Variants in PDCD6 observed in about 807,000 individuals in gnomAD.
PDCD6 encodes programmed cell death 6.
PDCD6 carries 12 observed loss-of-function variants against 28.3 expected under a neutral mutation model. The ratio of observed to expected loss-of-function variants is 0.42; its 90% CI spans 0.27 to 0.69. The LOEUF (loss-of-function observed/expected upper bound fraction) is 0.69, where lower values mean the gene tolerates loss of function less well. Among genes scored for constraint, PDCD6 ranks in the 30% least tolerant of loss-of-function variants. PDCD6 has a pLI of 0.22. For synonymous variants in PDCD6, 92 were observed against 108.0 expected (o/e 0.85, Z 0.92); for missense variants, 226 against 269.9 (o/e 0.84, Z 1.14).
Position 271,795 on chromosome 5 carries a change from G to T in PDCD6, c.75G>T (p.Gln25His). ...CTGCAGGCGCGGCGCTGCCGGACCA[G>T]AGCTTCCTGTGGAACGTTTTCCAGA... ...GPAAGAALPD[Q>H]SFLWNVFQRV... Residue 25 changes from glutamine to histidine, a missense_variant, in exon 1 of 6, where the codon CAG becomes CAT. Around this residue, in one of 3 missense-constraint regions of PDCD6, gnomAD observed 72 missense variants for 71.4 expected, o/e 1.01. Transcript: ENST00000264933. The T allele has an allele frequency of 6.8e-7, 1 of 1,468,036 alleles. No homozygotes were observed. The highest frequency in any genetic ancestry group is 9.0e-7 in the Non-Finnish European group (1 of 1,115,400). 90.9% of individuals were successfully genotyped at this position (1,468,036 alleles called of 1,614,324 possible).
rs1219668394 is a variant in PDCD6, at chr5:307,462, A to G, written c.367+702A>G. 2.0e-5 allele frequency among the ~76,000 whole-genome samples: 3 copies of G among 152,002 alleles called. No individual in the cohort carries two copies. Among genetic ancestry groups the G allele is most frequent in the Non-Finnish European group, 4.4e-5 (3 of 67,994 alleles). On this transcript the variant is annotated intron_variant, in intron 4 of 5. Transcript: ENST00000264933. This position sits in a 1 kb window ranked among gnomAD's most constrained non-coding sequence, Gnocchi z 6.1. The stretch of plus-strand genomic sequence containing the variant: ...GTGCTTGACGCGTGTGCACACACAC[A>G]TGTGACGGTGTGCCGTGGGTCTAGG...
chr5:282,604 CT>C (rs1446191451), intron 2 of PDCD6, among the ~76,000 whole-genome samples: 1 of 148,570 alleles, frequency 6.7e-6, no homozygotes, highest in Non-Finnish European at 1.5e-5. Flanking sequence ...AGCTGCAGAC[CT>C]GGAGAGGAGC....
intron 2 of PDCD6, among the ~76,000 whole-genome samples, chr5:275,255 C>T (rs561636213): frequency 1.7e-4 from 26 of 152,300 alleles, no homozygotes; most frequent in East Asian, 3.9e-4. Context: ...ACCCTGTTGC[C>T]TGAATTGCCC....
At chr5:276,026 C>T (rs1354372619) in intron 2 of PDCD6, 18 of 1,282,060 alleles carry the variant, frequency 1.4e-5, no homozygotes, top group African/African-American at 3.1e-5. Context: ...AAGCCCCACC[C>T]GCCCTTCAGG....
chr5:272,108 G>T (rs1038940778), intron 1 of PDCD6, among the ~76,000 whole-genome samples: 8 of 93,370 alleles, frequency 8.6e-5, no homozygotes, highest in African/African-American at 3.2e-4. Flanking sequence ...CCTGTGCGTC[G>T]GGCCCTTCCC....
At chr5:281,529 G>T (rs1167947941) in intron 2 of PDCD6, among the ~76,000 whole-genome samples, 1 of 152,128 alleles carries the variant, frequency 6.6e-6, no homozygotes, top group Non-Finnish European at 1.5e-5. Context: ...TGGGAGAGGT[G>T]TTCTAGTTTG....
chr5:296,643 C>T (rs1378384605), intron 2 of PDCD6, among the ~76,000 whole-genome samples: 11 of 152,180 alleles, frequency 7.2e-5, no homozygotes, highest in African/African-American at 1.2e-4. Context: ...AAGTAGTCCA[C>T]ATCAAAAAGA....
In PDCD6 at chr5:272,784, A is replaced by T; in HGVS notation, c.163+12A>T. 1 of 1,573,348 alleles carries T rather than the reference A, an allele frequency of 6.4e-7. No homozygotes were observed. The highest frequency in any genetic ancestry group is 8.6e-7 in the Non-Finnish European group (1 of 1,165,314). On this transcript the variant is annotated intron_variant, in intron 2 of 5. Transcript: ENST00000264933. The stretch of plus-strand genomic sequence containing the variant: ...AGCTCTCTCCAACGGTGAGTGGGCC[A>T]GTGGGAACTGGGTCTCCGGACCAAG...
At chr5:292,904 C>G (rs1739395515) in intron 2 of PDCD6, among the ~76,000 whole-genome samples, 1 of 152,216 alleles carries the variant, frequency 6.6e-6, no homozygotes, top group Non-Finnish European at 1.5e-5. Context: ...CCTAGAGGCC[C>G]TTGGTTGAGG....
At chr5:310,711 C>T (rs1341197188) in intron 4 of PDCD6, 1 of 154,304 alleles carries the variant, frequency 6.5e-6, no homozygotes, top group East Asian at 1.9e-4. Context: ...TCCGAGGTCA[C>T]CCTGCCACTG....
At chr5:300,389 G>A (rs1411551236) in intron 2 of PDCD6, among the ~76,000 whole-genome samples, 6 of 152,238 alleles carry the variant, frequency 3.9e-5, no homozygotes, top group Non-Finnish European at 8.8e-5. Flanking sequence ...GAGGGACTCT[G>A]GAAGCGCCTG....
chr5:272,741 A>C lies in PDCD6; in HGVS notation c.132A>C (p.Ser44=). 6.3e-7 allele frequency: 1 copy of C among 1,589,074 alleles called. No individual in the cohort carries two copies. The highest frequency in any genetic ancestry group is 1.6e-5 in the African/African-American group (1 of 62,892). Reference sequence around the variant, plus strand: ...ATAAAGACAGGAGTGGAGTGATATCAGACACCGAGCTTCAGCAAGCTCTCT... The same window carrying C: ...ATAAAGACAGGAGTGGAGTGATATCCGACACCGAGCTTCAGCAAGCTCTCT... The part of the protein sequence containing the change: ...RVDKDRSGVI[S]DTELQQALSN... The change falls in exon 2 of 6, where the codon TCA becomes TCC. Residue 44 remains serine, a synonymous_variant. Coordinates refer to ENST00000264933, the MANE Select transcript of PDCD6 (RefSeq NM_013232.4).
At chr5:299,675 G>C (rs1489654095) in intron 2 of PDCD6, among the ~76,000 whole-genome samples, 1 of 151,578 alleles carries the variant, frequency 6.6e-6, no homozygotes, top group African/African-American at 2.4e-5. Flanking sequence ...TCAGCCCCCC[G>C]AGTAGCTGGG....
At chr5:284,618 G>A (rs186692906) in intron 2 of PDCD6, among the ~76,000 whole-genome samples, 3 of 151,868 alleles carry the variant, frequency 2.0e-5, no homozygotes, top group East Asian at 3.9e-4. Flanking sequence ...CTGGTTGGGA[G>A]GTGATGTTCC....
chr5:302,427 C>A (rs1352797380), intron 2 of PDCD6, among the ~76,000 whole-genome samples: 1 of 105,676 alleles, frequency 9.5e-6, no homozygotes, highest in Non-Finnish European at 1.7e-5. Flanking sequence ...GGTGCACCTG[C>A]CTTTGTGGGG....
At chr5:303,947 G>A (rs1740300348) in intron 2 of PDCD6, among the ~76,000 whole-genome samples, 1 of 151,668 alleles carries the variant, frequency 6.6e-6, no homozygotes, top group African/African-American at 2.4e-5. Context: ...GGCCTTGGAG[G>A]TCTGGGAGGC....
chr5:287,172 A>T (rs1419082432), intron 2 of PDCD6, among the ~76,000 whole-genome samples: 1 of 151,826 alleles, frequency 6.6e-6, no homozygotes, highest in Non-Finnish European at 1.5e-5. Flanking sequence ...AGGTACTGCC[A>T]CTGATGTCTT....
chr5:307,858 C>G lies in PDCD6; in HGVS notation c.367+1098C>G, dbSNP rs1317535884. On this transcript the variant is annotated intron_variant, in intron 4 of 5. Transcript: ENST00000264933. The surrounding 1 kb of genome is among the most constrained non-coding windows in gnomAD (Gnocchi z 6.1). ...TCTTTCTCTTTTCTTTCTCACCTTA[C>G]GAGCTTGTCCACAGGGCCGGGGGTG... Among the ~76,000 whole-genome samples the G allele has an allele frequency of 6.6e-6, 1 of 152,148 alleles. No individual in the cohort carries two copies. The highest frequency in any genetic ancestry group is 2.4e-5 in the African/African-American group (1 of 41,420).
chr5:290,036 T>A, intron 2 of PDCD6: 1 of 1,591,412 alleles, frequency 6.3e-7, no homozygotes, highest in Non-Finnish European at 8.6e-7. Flanking sequence ...GTAAAAGGGA[T>A]ACTGTTAAAT....
Sources: allele counts gnomAD v4.1 joint callset (sites outside exome capture counted in the v4.1 genomes callset), GRCh38; gene constraint gnomAD v4.1.1; regional missense constraint gnomAD v4.1.1; non-coding constraint Gnocchi (gnomAD v3.1); transcripts MANE v1.5; gene names NCBI Gene and HGNC (gene_info 2026-07-23, HGNC 2026-07-21).